Variants in NTRK3 observed in about 807,000 individuals in gnomAD.
NTRK3 encodes the protein neurotrophic receptor tyrosine kinase 3.
A neutral mutation model predicts 91.7 loss-of-function variants in NTRK3; 24 were observed. The ratio of observed to expected loss-of-function variants is 0.26; its 90% CI spans 0.19 to 0.37. The LOEUF (loss-of-function observed/expected upper bound fraction) is 0.37. Ranked by LOEUF, NTRK3 falls within the 10% of genes least tolerant of loss-of-function variation. NTRK3 has a pLI of 1.00. For synonymous variants in NTRK3, 483 were observed against 404.0 expected (o/e 1.20, Z -2.34); for missense variants, 880 against 1,068.9 (o/e 0.82, Z 2.46).
At chr15:88,226,495 A>G (rs1483207375) in intron 3 of NTRK3, among the ~76,000 whole-genome samples, 1 of 152,178 alleles carries the variant, frequency 6.6e-6, no homozygotes. Flanking sequence ...TCCAACACTC[A>G]CTTCCTAGAG....
intron 3 of NTRK3, among the ~76,000 whole-genome samples, chr15:88,238,222 A>T (rs892645715): frequency 6.6e-6 from 1 of 152,184 alleles, no homozygotes; most frequent in Admixed American, 6.5e-5. Context: ...TTTTTAAGCC[A>T]CCCAGTCTGT....
intron 14 of NTRK3, among the ~76,000 whole-genome samples, chr15:87,987,405 A>G (rs2074906564): frequency 6.6e-6 from 1 of 152,150 alleles, no homozygotes; most frequent in Admixed American, 6.5e-5. Context: ...CATCATCTCA[A>G]TAAGGGTTTC....
Position 88,183,444 on chromosome 15 carries a change from A to AT in NTRK3, c.368_369insA (p.Phe123LeufsTer15). 1 of 1,614,076 alleles carries AT rather than the reference A, an allele frequency of 6.2e-7. No individual in the cohort carries two copies. The highest frequency in any genetic ancestry group is 1.3e-5 in the African/African-American group (1 of 75,014). Reference sequence around the variant, plus strand: ...TATAACGCAAATGGGGGTTCTTGGCAAAGGCTCTGGGCTGAATGCTCCGAA... The same window carrying AT: ...TATAACGCAAATGGGGGTTCTTGGCATAAGGCTCTGGGCTGAATGCTCCGAA... On this transcript the variant is annotated frameshift_variant, in exon 5 of 19. Coordinates refer to ENST00000394480, the Ensembl canonical transcript of NTRK3. LOFTEE classifies it high-confidence loss of function.
chr15:88,132,598 C>T (rs2151167049), intron 10 of NTRK3, among the ~76,000 whole-genome samples: 1 of 152,286 alleles, frequency 6.6e-6, no homozygotes, highest in East Asian at 1.9e-4. Context: ...GAGAAACACA[C>T]ATGATAATCA....
chr15:88,096,311 G>A (rs1379986079), intron 13 of NTRK3, among the ~76,000 whole-genome samples: 2 of 152,112 alleles, frequency 1.3e-5, no homozygotes, highest in Non-Finnish European at 2.9e-5. Flanking sequence ...ATTTTGCCTG[G>A]TTAGCCAGAA....
intron 14 of NTRK3, among the ~76,000 whole-genome samples, chr15:88,026,981 T>G (rs1356427987): frequency 6.6e-6 from 1 of 152,208 alleles, no homozygotes; most frequent in Non-Finnish European, 1.5e-5. Context: ...CAGCCAACCC[T>G]GAACACCCTA....
chr15:88,101,657 C>T (rs1193208854), intron 13 of NTRK3, among the ~76,000 whole-genome samples: 1 of 152,138 alleles, frequency 6.6e-6, no homozygotes, highest in Non-Finnish European at 1.5e-5. Context: ...GAAAATGTGG[C>T]ACATATACAT....
At chr15:87,946,645 C>A (rs890908923) in intron 14 of NTRK3, among the ~76,000 whole-genome samples, 3 of 152,170 alleles carry the variant, frequency 2.0e-5, no homozygotes, top group Admixed American at 6.5e-5. Context: ...CCCCTCTTCC[C>A]TGGCTCATGT....
At chr15:87,880,555 C>T (rs988570766) in intron 17 of NTRK3, 127 bp from the exon 19 acceptor site, 165 of 1,088,750 alleles carry the variant, frequency 1.5e-4, no homozygotes, top group Middle Eastern at 5.6e-4. Flanking sequence ...CAGCTTTATG[C>T]AACTTCTATC....
At chr15:88,038,533 C>T (rs970232361) in intron 13 of NTRK3, among the ~76,000 whole-genome samples, 2 of 152,086 alleles carry the variant, frequency 1.3e-5, no homozygotes, top group African/African-American at 4.8e-5. Context: ...TGTAGCAGCC[C>T]TAGACCTGGG....
chr15:88,212,960 C>T (rs898148293), intron 3 of NTRK3, among the ~76,000 whole-genome samples: 3 of 152,222 alleles, frequency 2.0e-5, no homozygotes, highest in Non-Finnish European at 4.4e-5. Context: ...CCGATGCCCA[C>T]GCTGAGACAT....
chr15:87,989,030 T>C (rs111968799), intron 14 of NTRK3, among the ~76,000 whole-genome samples: 73 of 152,142 alleles, frequency 4.8e-4, no homozygotes, highest in African/African-American at 1.7e-3. Context: ...AGTGGAGAAA[T>C]AGGAATACTT....
intron 17 of NTRK3, among the ~76,000 whole-genome samples, chr15:87,926,321 C>T (rs184493246): frequency 1.4e-4 from 22 of 152,232 alleles, no homozygotes; most frequent in Admixed American, 3.3e-4. Context: ...GAAGATATGC[C>T]ACAAGCTGGT....
chr15:88,037,398 C>A (rs903478394), intron 13 of NTRK3, among the ~76,000 whole-genome samples: 1 of 152,050 alleles, frequency 6.6e-6, no homozygotes, highest in Non-Finnish European at 1.5e-5. Context: ...CCAGTCAATA[C>A]TAAAAATACA....
intron 5 of NTRK3, among the ~76,000 whole-genome samples, chr15:88,158,743 G>A (rs1295567735): frequency 6.6e-6 from 1 of 152,120 alleles, no homozygotes; most frequent in Non-Finnish European, 1.5e-5. Flanking sequence ...CTGCCAGGCA[G>A]ATGCTGGGCC....
intron 14 of NTRK3, among the ~76,000 whole-genome samples, chr15:87,961,693 G>A (rs541467047): frequency 6.6e-6 from 1 of 152,344 alleles, no homozygotes; most frequent in Admixed American, 6.5e-5. Flanking sequence ...CTGAGCTGCA[G>A]CAGGTCCTGC....
chr15:87,933,650 G>C (rs1206467450), intron 15 of NTRK3, among the ~76,000 whole-genome samples: 3 of 152,248 alleles, frequency 2.0e-5, no homozygotes, highest in African/African-American at 7.2e-5. Flanking sequence ...AACTGGGCAG[G>C]CAACACAATA....
At chr15:87,886,699 T>TATATATATATATATATATATATATAC (rs1265075771) in intron 17 of NTRK3, among the ~76,000 whole-genome samples, 25 of 138,470 alleles carry the variant, frequency 1.8e-4, no homozygotes, top group East Asian at 1.0e-3. Context: ...TATATATATA[T>TATATATATATATATATATATATATAC]ACATATATAC....
At chr15:87,884,323 A>C (rs575395762) in intron 17 of NTRK3, among the ~76,000 whole-genome samples, 1 of 151,740 alleles carries the variant, frequency 6.6e-6, no homozygotes, top group African/African-American at 2.4e-5. Flanking sequence ...GAATACAAAA[A>C]CCATAATTGT....
Sources: allele counts gnomAD v4.1 joint callset (sites outside exome capture counted in the v4.1 genomes callset), GRCh38; gene constraint gnomAD v4.1.1; transcripts MANE v1.5; gene names NCBI Gene and HGNC (gene_info 2026-07-23, HGNC 2026-07-21).